DTNB: variants seen among roughly 807,000 people sequenced by gnomAD.
DTNB encodes dystrobrevin beta.
Under a neutral mutation model 90.7 loss-of-function variants are expected in DTNB, and 63 were observed. The observed-to-expected ratio is 0.69, with a 90% confidence interval of 0.57 to 0.86. The LOEUF (loss-of-function observed/expected upper bound fraction) is 0.86, where lower values mean the gene tolerates loss of function less well. DTNB is among the 40% of genes least tolerant of loss of function. The pLI, the probability that DTNB is intolerant of heterozygous loss-of-function variation, is 0.00. For synonymous variants in DTNB, 277 were observed against 286.7 expected, an observed-to-expected ratio of 0.97 and a Z score of 0.34; for missense variants, 744 against 807.1, an observed-to-expected ratio of 0.92 and a Z score of 0.95.
At chr2:25,434,235 C>T (rs906596919) in intron 12 of DTNB, among the ~76,000 whole-genome samples, 3 of 152,042 alleles carry the variant, frequency 2.0e-5, no homozygotes, top group African/African-American at 7.2e-5. Flanking sequence ...GCCAGTTTGT[C>T]ACCAGTCGCC....
At chr2:25,407,418 C>A (rs1322368679) in intron 16 of DTNB, among the ~76,000 whole-genome samples, 2 of 152,142 alleles carry the variant, frequency 1.3e-5, no homozygotes, top group Non-Finnish European at 2.9e-5. Context: ...ATCCCACTAC[C>A]GGGTATCTAC....
chr2:25,669,651 C>A (rs2085350783), intron 1 of DTNB, among the ~76,000 whole-genome samples: 1 of 152,228 alleles, frequency 6.6e-6, no homozygotes, highest in Admixed American at 6.5e-5. Context: ...AGGAACCCAA[C>A]TGTTCCTCAG....
chr2:25,624,599 CCATGTGGGTAGGCTTTTTACAGCTAAAGA>C (rs1183834338), intron 4 of DTNB, among the ~76,000 whole-genome samples: 1 of 152,130 alleles, frequency 6.6e-6, no homozygotes, highest in Non-Finnish European at 1.5e-5. Flanking sequence ...TATGAAAAGG[CCATGTGGGTAGGCTTTTTACAGCTAAAGA>C]CACTGGACTA....
chr2:25,576,279 G>A (rs967979162), intron 8 of DTNB, among the ~76,000 whole-genome samples: 13 of 142,258 alleles, frequency 9.1e-5, no homozygotes, highest in Non-Finnish European at 2.0e-4. Flanking sequence ...AGGCTGGAGT[G>A]CAGTGGCGCA....
chr2:25,640,707 TAAAACCA>T (rs2078077787), intron 2 of DTNB, among the ~76,000 whole-genome samples: 1 of 152,014 alleles, frequency 6.6e-6, no homozygotes, highest in African/African-American at 2.4e-5. Flanking sequence ...CCCAGCAGTT[TAAAACCA>T]GCCTTTTTTT....
At chr2:25,384,078 G>C (rs1378052873) in intron 18 of DTNB, among the ~76,000 whole-genome samples, 189 bp from the exon 19 acceptor site, 1 of 152,250 alleles carries the variant, frequency 6.6e-6, no homozygotes, top group Non-Finnish European at 1.5e-5. Flanking sequence ...TGCTGAATAG[G>C]AGCCCGTAAG....
intron 1 of DTNB, among the ~76,000 whole-genome samples, chr2:25,665,422 G>A (rs1367619937): frequency 6.6e-6 from 1 of 152,060 alleles, no homozygotes; most frequent in African/African-American, 2.4e-5. Context: ...GTCAGGAGAT[G>A]GAGACCATCC....
chr2:25,410,442 C>A (rs1477711325), intron 16 of DTNB, among the ~76,000 whole-genome samples: 1 of 152,140 alleles, frequency 6.6e-6, no homozygotes, highest in East Asian at 1.9e-4. Context: ...CACCCATCCC[C>A]CATCCCCACC....
At chr2:25,432,364 A>G (rs894154006) in intron 14 of DTNB, among the ~76,000 whole-genome samples, 2 of 152,260 alleles carry the variant, frequency 1.3e-5, no homozygotes, top group East Asian at 1.9e-4. Context: ...CTCTATTCCC[A>G]TTCTCATCCT....
At chr2:25,540,383 T>C (rs914023115) in intron 8 of DTNB, among the ~76,000 whole-genome samples, 6 of 152,230 alleles carry the variant, frequency 3.9e-5, no homozygotes, top group Non-Finnish European at 8.8e-5. Flanking sequence ...CCTAGTTATT[T>C]TATAAACATA....
At chr2:25,653,813 T>C (rs1000580672) in intron 1 of DTNB, among the ~76,000 whole-genome samples, 2 of 152,120 alleles carry the variant, frequency 1.3e-5, no homozygotes, top group Non-Finnish European at 2.9e-5. Context: ...CGCTCAGCCC[T>C]GTTCAGAGCT....
rs570160190 is a variant in DTNB, at chr2:25,635,494, G to A, written c.148+3520C>T. Reference sequence around the variant, plus strand: ...GAAGGATGTGCAACATCTCTACAAAGAAATTAAAGACCTAAATAGTTCTAG... The same window carrying A: ...GAAGGATGTGCAACATCTCTACAAAAAAATTAAAGACCTAAATAGTTCTAG... On this transcript the variant is annotated intron_variant, in intron 3 of 20. Coordinates refer to ENST00000406818, the MANE Select transcript of DTNB (RefSeq NM_021907.5). Among the ~76,000 whole-genome samples the A allele has an allele frequency of 9.9e-5, 15 of 152,198 alleles. No individual in the cohort carries two copies. In the South Asian group the frequency reaches 3.1e-3, roughly 32 times the overall value.
At chr2:25,466,197 G>A (rs1474762666) in intron 10 of DTNB, among the ~76,000 whole-genome samples, 2 of 152,134 alleles carry the variant, frequency 1.3e-5, no homozygotes, top group African/African-American at 4.8e-5. Context: ...TTAGCTGGGC[G>A]TAGTGGTGCG....
intron 8 of DTNB, among the ~76,000 whole-genome samples, chr2:25,543,448 G>A (rs2081753512): frequency 1.3e-5 from 2 of 152,026 alleles, no homozygotes; most frequent in East Asian, 1.9e-4. Flanking sequence ...GGGATTAGAG[G>A]TGCGCGCCAC....
chr2:25,448,892 G>A (rs933625682), intron 12 of DTNB, among the ~76,000 whole-genome samples: 6 of 149,288 alleles, frequency 4.0e-5, no homozygotes, highest in East Asian at 1.9e-4. Context: ...CATTTAATCC[G>A]TTTTGACAAA....
Position 25,407,290 on chromosome 2 carries a change from TG to T in DTNB, c.1575+12224del, listed in dbSNP as rs147642199. Among the ~76,000 whole-genome samples, 425 of 152,342 alleles carry T rather than the reference TG, an allele frequency of 2.8e-3. 14 individuals carry two copies. The East Asian group carries it at 0.063, about 23-fold the overall frequency. ...AAAACAATATACTTTGGCATGGATG[TG>T]GTGAAAAGGGAATGCTTATACACTG... On this transcript the variant is annotated intron_variant, in intron 16 of 20. Coordinates refer to ENST00000406818, the MANE Select transcript of DTNB (RefSeq NM_021907.5).
intron 10 of DTNB, among the ~76,000 whole-genome samples, chr2:25,467,481 C>A (rs1171554294): frequency 6.6e-6 from 1 of 151,728 alleles, no homozygotes; most frequent in Non-Finnish European, 1.5e-5. Context: ...GAAAAAAATT[C>A]TTTGTAAATA....
At chr2:25,460,902 G>GTTTT (rs35276903) in intron 10 of DTNB, among the ~76,000 whole-genome samples, 1 of 145,518 alleles carries the variant, frequency 6.9e-6, no homozygotes, top group African/African-American at 2.5e-5. Context: ...AAGGTTTTTT[G>GTTTT]TTTTTTTTTT....
At chr2:25,488,950 C>T (rs551276860) in intron 9 of DTNB, among the ~76,000 whole-genome samples, 1 of 152,146 alleles carries the variant, frequency 6.6e-6, no homozygotes, top group Admixed American at 6.5e-5. Context: ...CAAGTCTGGC[C>T]GAAAACGTAC....
Sources: gnomAD v4.1 joint callset for allele counts (sites outside exome capture counted in the v4.1 genomes callset) on GRCh38, gnomAD v4.1.1 for gene constraint, MANE v1.5 for transcripts, NCBI Gene and HGNC (gene_info 2026-07-23, HGNC 2026-07-21) for gene names.